Variants in SUSD1 observed in about 807,000 individuals in gnomAD.
SUSD1 encodes sushi domain-containing protein 1.
A neutral mutation model predicts 86.9 loss-of-function variants in SUSD1; 65 were observed. The observed-to-expected ratio is 0.75, with a 90% CI of 0.61 to 0.92. SUSD1 has a LOEUF of 0.92. Ranked by LOEUF, SUSD1 falls within the 40% of genes least tolerant of loss-of-function variation. The pLI is 0.00. For missense variants in SUSD1, 850 were observed against 929.7 expected, an observed-to-expected ratio of 0.91 and a Z score of 1.11; for synonymous variants, 346 against 350.0, an observed-to-expected ratio of 0.99 and a Z score of 0.13.
intron 1 of SUSD1, among the ~76,000 whole-genome samples, chr9:112,164,710 T>C (rs1833704302): frequency 6.6e-6 from 1 of 152,092 alleles, no homozygotes; most frequent in Non-Finnish European, 1.5e-5. Context: ...TTTGGGAGGC[T>C]GAGGCAGGCG....
At position 112,069,483 on chromosome 9, in the gene SUSD1, C is replaced by T. The variant is rs1365163010; in HGVS notation, c.1754-6450G>A. On this transcript the variant is annotated intron_variant, in intron 12 of 16. Transcript: ENST00000374270. ...CAGTGATGGAGGAGAGAGGAAAAGC[C>T]CACACATGTCCCCTGGGAACGTACC... Among the ~76,000 whole-genome samples the T allele has an allele frequency of 2.0e-5, 3 of 152,242 alleles. No individual in the cohort carries two copies. The East Asian group carries it at 5.8e-4, about 29-fold the overall frequency.
chr9:112,046,653 C>T (rs921013075), intron 15 of SUSD1, among the ~76,000 whole-genome samples: 54 of 152,116 alleles, frequency 3.5e-4, no homozygotes, highest in African/African-American at 1.3e-3. Context: ...TGAATATACA[C>T]GGGCATGGTC....
intron 1 of SUSD1, among the ~76,000 whole-genome samples, chr9:112,166,511 A>G (rs1466673077): frequency 6.6e-6 from 1 of 152,192 alleles, no homozygotes; most frequent in East Asian, 1.9e-4. Flanking sequence ...GACTAGCTCA[A>G]CCTCAACCTC....
intron 10 of SUSD1, among the ~76,000 whole-genome samples, chr9:112,086,187 G>A (rs185730223): frequency 9.7e-4 from 147 of 151,344 alleles, no homozygotes; most frequent in African/African-American, 2.0e-3. Flanking sequence ...GCATGGTGGC[G>A]GGAGCCTGTA....
intron 10 of SUSD1, among the ~76,000 whole-genome samples, chr9:112,082,617 C>T (rs1263993841): frequency 6.6e-6 from 1 of 151,934 alleles, no homozygotes; most frequent in Admixed American, 6.6e-5. Flanking sequence ...CCTGAAGAAA[C>T]ACAGGCCTAC....
At chr9:112,101,027 A>G (rs1162899563) in intron 9 of SUSD1, among the ~76,000 whole-genome samples, 1 of 152,004 alleles carries the variant, frequency 6.6e-6, no homozygotes, top group Non-Finnish European at 1.5e-5. Context: ...GGAAACTTCC[A>G]AGTCCTAATA....
At chr9:112,088,510 G>C (rs1830073005) in intron 10 of SUSD1, among the ~76,000 whole-genome samples, 1 of 152,206 alleles carries the variant, frequency 6.6e-6, no homozygotes, top group South Asian at 2.1e-4. Flanking sequence ...ACCAGGCCAG[G>C]TGCAGTGGCT....
chr9:112,165,357 T>C lies in SUSD1; in HGVS notation c.104-7744A>G, dbSNP rs147717750. ...AATATACAATTAAATTATTATTAACTATAGTAAACCTGTTGTGGTGTTGTG... is the reference window on the plus strand; with the variant it reads ...AATATACAATTAAATTATTATTAACCATAGTAAACCTGTTGTGGTGTTGTG... On this transcript the variant is annotated intron_variant, in intron 1 of 16. Transcript: ENST00000374270. Among the ~76,000 whole-genome samples, 10 of 151,960 alleles carry C rather than the reference T, an allele frequency of 6.6e-5. No homozygotes were observed. The East Asian group carries it at 1.7e-3, about 26-fold the overall frequency.
At chr9:112,150,592 T>C (rs1033969002) in intron 2 of SUSD1, among the ~76,000 whole-genome samples, 1 of 152,170 alleles carries the variant, frequency 6.6e-6, no homozygotes, top group African/African-American at 2.4e-5. Flanking sequence ...AAGTTCATGA[T>C]TGTGGGAACA....
intron 10 of SUSD1, among the ~76,000 whole-genome samples, chr9:112,083,746 A>G (rs1419798187): frequency 6.6e-6 from 1 of 152,196 alleles, no homozygotes; most frequent in Admixed American, 6.5e-5. Flanking sequence ...TTTCCACATA[A>G]TAACATCCTA....
intron 5 of SUSD1, among the ~76,000 whole-genome samples, chr9:112,133,147 G>A (rs981424266): frequency 5.9e-5 from 9 of 152,128 alleles, no homozygotes; most frequent in Non-Finnish European, 1.2e-4. Flanking sequence ...TAGTTAGCCA[G>A]GCATGTAGTC....
At chr9:112,164,440 G>A (rs931569473) in intron 1 of SUSD1, among the ~76,000 whole-genome samples, 9 of 151,850 alleles carry the variant, frequency 5.9e-5, no homozygotes, top group African/African-American at 1.9e-4. Context: ...AAATCACCTC[G>A]GGAGGCTGAG....
At chr9:112,124,201 G>C in intron 6 of SUSD1, 56 bp downstream of exon 6, 1 of 1,538,520 alleles carries the variant, frequency 6.5e-7, no homozygotes, top group Non-Finnish European at 8.8e-7. Flanking sequence ...TTAGGCCCTC[G>C]GCTCCCACTG....
intron 2 of SUSD1, 92 bp from the exon 3 acceptor site, chr9:112,149,491 C>T: frequency 6.9e-7 from 1 of 1,450,596 alleles, no homozygotes; most frequent in Non-Finnish European, 9.4e-7. Context: ...GACTCGGGAA[C>T]CAACGTTCTG....
At chr9:112,166,020 C>G (rs528774752) in intron 1 of SUSD1, among the ~76,000 whole-genome samples, 116 of 144,836 alleles carry the variant, frequency 8.0e-4, no homozygotes, top group African/African-American at 2.9e-3. Context: ...AGTATAACCG[C>G]AAAGACAGTA....
chr9:112,080,602 C>T (rs903843120), intron 10 of SUSD1, among the ~76,000 whole-genome samples: 2 of 151,160 alleles, frequency 1.3e-5, no homozygotes, highest in Non-Finnish European at 2.9e-5. Flanking sequence ...GCAGGAGAAT[C>T]GCTTGAACCT....
At chr9:112,156,405 T>A (rs1167945132) in intron 2 of SUSD1, among the ~76,000 whole-genome samples, 2 of 150,788 alleles carry the variant, frequency 1.3e-5, no homozygotes, top group Admixed American at 1.3e-4. Flanking sequence ...GAGGCTGCAG[T>A]GAGCCAAGAT....
chr9:112,164,222 A>G (rs1410815981), intron 1 of SUSD1, among the ~76,000 whole-genome samples: 1 of 152,180 alleles, frequency 6.6e-6, no homozygotes, highest in African/African-American at 2.4e-5. Flanking sequence ...TATTTAATAA[A>G]TAGCCCCAGA....
At chr9:112,070,796 A>C (rs1829234803) in intron 12 of SUSD1, among the ~76,000 whole-genome samples, 1 of 152,214 alleles carries the variant, frequency 6.6e-6, no homozygotes, top group Admixed American at 6.5e-5. Context: ...ACAGACAAAC[A>C]GTGAAAAAAA....
Sources: gnomAD v4.1 joint callset for allele counts (sites outside exome capture counted in the v4.1 genomes callset) on GRCh38, gnomAD v4.1.1 for gene constraint, MANE v1.5 for transcripts, NCBI Gene and HGNC (gene_info 2026-07-23, HGNC 2026-07-21) for gene names.